TRIOBP: variants seen among roughly 807,000 people sequenced by gnomAD.
The protein encoded by TRIOBP is TRIO and F-actin-binding protein.
Under a neutral mutation model 238.8 loss-of-function variants are expected in TRIOBP, and 169 were observed. The observed-to-expected ratio is 0.71, with a 90% CI of 0.62 to 0.80. The LOEUF (loss-of-function observed/expected upper bound fraction) is 0.80, where lower values mean the gene tolerates loss of function less well. Among genes scored for constraint, TRIOBP ranks in the 30% least tolerant of loss-of-function variants. The probability of loss-of-function intolerance (pLI) is 0.00; values close to 1 mark genes in which losing one functional copy is unlikely to be tolerated. For synonymous variants in TRIOBP, 1,150 were observed against 1,274.4 expected (o/e 0.90, Z 2.08); for missense variants, 2,838 against 3,122.6 (o/e 0.91, Z 2.17).
intron 17 of TRIOBP, among the ~76,000 whole-genome samples, chr22:37,763,840 G>A (rs536141326): frequency 2.0e-5 from 3 of 152,316 alleles, no homozygotes; most frequent in South Asian, 2.1e-4. Context: ...AGTCTAACGC[G>A]AGTCTTGCCG....
At chr22:37,762,971 T>C (rs1926316736) in intron 17 of TRIOBP, among the ~76,000 whole-genome samples, 1 of 152,096 alleles carries the variant, frequency 6.6e-6, no homozygotes, top group Non-Finnish European at 1.5e-5. Context: ...TTATCTACTT[T>C]GATGTCCATG....
At chr22:37,697,965 C>T (rs5756780) in intron 2 of TRIOBP, among the ~76,000 whole-genome samples, 59,939 of 151,334 alleles carry the variant, frequency 0.4, 12,807 homozygotes, top group East Asian at 0.66. Context: ...TTTGGGAGGT[C>T]GAGGTGGGTG....
chr22:37,723,520 G>T lies in TRIOBP; in HGVS notation c.964G>T (p.Ala322Ser), dbSNP rs201693690. The change falls in exon 7 of 24, where the codon GCC (alanine) becomes TCC (serine). Residue 322 changes from alanine (A) to serine (S), a missense_variant. Around this residue, in one of 5 missense-constraint regions of TRIOBP, gnomAD observed 535 missense variants for 537.3 expected, o/e 1.00. Coordinates refer to ENST00000644935, the MANE Select transcript of TRIOBP (RefSeq NM_001039141.3). The part of the protein sequence containing the change: ...ASSTQEDTPR[A>S]SSTQEDTPRA... ...ATCCACCCAAGAGGACACCCCTAGGGCCTCATCCACCCAAGAGGACACCCC... is the reference window on the plus strand; with the variant it reads ...ATCCACCCAAGAGGACACCCCTAGGTCCTCATCCACCCAAGAGGACACCCC... 1.3e-4 allele frequency: 217 copies of T among 1,613,682 alleles called. No individual in the cohort carries two copies. In the East Asian group the frequency reaches 4.1e-3, roughly 30 times the overall value.
intron 17 of TRIOBP, among the ~76,000 whole-genome samples, chr22:37,760,949 C>T (rs532929680): frequency 2.1e-5 from 3 of 146,062 alleles, no homozygotes; most frequent in East Asian, 2.0e-4. Flanking sequence ...TCCAGCCTGG[C>T]GACAGAGTAA....
At position 37,764,357 on chromosome 22, in the gene TRIOBP, A is replaced by G. The variant is rs529665807; in HGVS notation, c.6325-1313A>G. On this transcript the variant is annotated intron_variant, in intron 17 of 23. Transcript: ENST00000644935. ...CACGTTTGTTCCCGTGAGTGAGATCATACCACGTGTATGTCAGAAGCCAAC... is the reference window on the plus strand; with the variant it reads ...CACGTTTGTTCCCGTGAGTGAGATCGTACCACGTGTATGTCAGAAGCCAAC... 2.6e-5 allele frequency among the ~76,000 whole-genome samples: 4 copies of G among 152,302 alleles called. No homozygotes were observed. In the South Asian group the frequency reaches 8.3e-4, roughly 32 times the overall value.
chr22:37,734,573 C>G lies in TRIOBP; in HGVS notation c.4237C>G (p.Leu1413Val). ...PERELRTQRP[L>V]ESGQAGPRQP... is the part of the protein sequence containing the mutation. Reference sequence around the variant, plus strand: ...GAGGGAGCTGCGGACACAGAGACCTCTGGAGAGTGGCCAAGCAGGCCCAAG... The same window carrying G: ...GAGGGAGCTGCGGACACAGAGACCTGTGGAGAGTGGCCAAGCAGGCCCAAG... Residue 1413 changes from leucine to valine, a missense_variant, in exon 9 of 24, where the codon CTG becomes GTG. Physicochemically the swap from Leu to Val is conservative, Grantham distance 32. Transcript: ENST00000644935. 1 of 1,584,710 alleles carries G rather than the reference C, an allele frequency of 6.3e-7. No homozygotes were observed. Among genetic ancestry groups the G allele is most frequent in the Non-Finnish European group, 8.6e-7 (1 of 1,165,716 alleles).
rs369404083 is a variant in TRIOBP at position 37,725,806 on chromosome 22, C to T, written c.3250C>T (p.Pro1084Ser). The T allele has an allele frequency of 1.2e-4, 192 of 1,610,512 alleles. No individual in the cohort carries two copies. Among genetic ancestry groups the T allele is most frequent in the Admixed American group, 4.2e-4 (25 of 59,792 alleles). The change falls in exon 7 of 24, where the codon CCC (proline) becomes TCC (serine). Residue 1084 changes from proline to serine, a missense_variant. Physicochemically the swap from Pro to Ser is moderately conservative, Grantham distance 74. Around this residue, in one of 5 missense-constraint regions of TRIOBP, gnomAD observed 2,096 missense variants for 2,137.4 expected, o/e 0.98. Coordinates refer to ENST00000644935, the MANE Select transcript of TRIOBP (RefSeq NM_001039141.3). ...GCCCCCCCGCCACACCCAATTTGAC[C>T]CCTTCCCCTTCCTCCCAGACACATC... Reference protein sequence around the residue: ...SSPPRHTQFDPFPFLPDTSDA... With the variant: ...SSPPRHTQFDSFPFLPDTSDA...
At chr22:37,757,494 C>G in intron 15 of TRIOBP, 119 bp from the exon 16 acceptor site, 1 of 1,401,888 alleles carries the variant, frequency 7.1e-7, no homozygotes, top group South Asian at 1.2e-5. Context: ...TGCTTCCTTC[C>G]CTGGGGTCTG....
intron 4 of TRIOBP, among the ~76,000 whole-genome samples, chr22:37,712,029 T>C (rs1299564873): frequency 1.3e-5 from 2 of 152,092 alleles, no homozygotes; most frequent in African/African-American, 4.8e-5. Context: ...TTAGACTTAC[T>C]GAACTTGGGG....
chr22:37,734,593 C>A lies in TRIOBP; in HGVS notation c.4257C>A (p.Gly1419=). Reference sequence around the variant, plus strand: ...GACCTCTGGAGAGTGGCCAAGCAGGCCCAAGACAGCCTCTGGGGGTGTGGC... The same window carrying A: ...GACCTCTGGAGAGTGGCCAAGCAGGACCAAGACAGCCTCTGGGGGTGTGGC... ...TQRPLESGQA[G]PRQPLGVWQS... Residue 1419 remains glycine, a synonymous_variant, in exon 9 of 24, where the codon GGC becomes GGA. Transcript: ENST00000644935. 1 of 1,580,168 alleles carries A rather than the reference C, an allele frequency of 6.3e-7. No individual in the cohort carries two copies. Among genetic ancestry groups the A allele is most frequent in the Non-Finnish European group, 8.6e-7 (1 of 1,163,356 alleles).
intron 14 of TRIOBP, 98 bp from the exon 15 acceptor site, chr22:37,755,452 C>A: frequency 8.9e-7 from 1 of 1,129,668 alleles, no homozygotes; most frequent in Non-Finnish European, 1.3e-6. Context: ...ACCTTAGATG[C>A]ATCCTGGGAA....
Position 37,765,829 on chromosome 22 carries a change from G to GA in TRIOBP, c.6472+12_6472+13insA, listed in dbSNP as rs1555901289. The GA allele has an allele frequency of 2.4e-5, 35 of 1,439,880 alleles. No individual in the cohort carries two copies. Among genetic ancestry groups the GA allele is most frequent in the South Asian group, 8.3e-5 (7 of 84,034 alleles). The allele number at this position is 1,439,880 out of a possible 1,614,324, so 89.2% of individuals were successfully genotyped here. A position where few individuals can be genotyped will look rare whatever the true frequency, so the allele number is the denominator to read the frequency against. On this transcript the variant is annotated intron_variant, in intron 18 of 23. Coordinates refer to ENST00000644935, the MANE Select transcript of TRIOBP (RefSeq NM_001039141.3). ...AGCCACGGCCTCAGGTATGGACCCT[G>GA]GGGGGGGCACAGTGGGCTGGGCTCT...
chr22:37,764,775 T>C (rs1926401800), intron 17 of TRIOBP, among the ~76,000 whole-genome samples: 1 of 152,202 alleles, frequency 6.6e-6, no homozygotes. Flanking sequence ...CATCATCAGT[T>C]TCAGCTCATT....
At chr22:37,709,034 C>T (rs545641526) in intron 3 of TRIOBP, among the ~76,000 whole-genome samples, 30 of 152,210 alleles carry the variant, frequency 2.0e-4, no homozygotes, top group African/African-American at 4.6e-4. Flanking sequence ...GTGGCCAAGG[C>T]GCCAGGCCCG....
At chr22:37,747,136 G>A (rs767160535) in intron 11 of TRIOBP, among the ~76,000 whole-genome samples, 6 of 151,860 alleles carry the variant, frequency 4.0e-5, no homozygotes, top group Non-Finnish European at 5.9e-5. Flanking sequence ...GCCATAGTTA[G>A]CATATTGAGC....
At chr22:37,746,563 C>T (rs930340579) in intron 11 of TRIOBP, 79 of 711,836 alleles carry the variant, frequency 1.1e-4, no homozygotes, top group Admixed American at 5.5e-4. Context: ...ACGGGGCCAC[C>T]TCCGAAGCGC....
At position 37,725,539 on chromosome 22, in the gene TRIOBP, G is replaced by A; in HGVS notation, c.2983G>A (p.Val995Met). 1 of 1,613,444 alleles carries A rather than the reference G, an allele frequency of 6.2e-7. No individual in the cohort carries two copies. Among genetic ancestry groups the A allele is most frequent in the South Asian group, 1.1e-5 (1 of 91,062 alleles). ...HQSTSRTSSP[V>M]YPAAYGAPLT... The stretch of plus-strand genomic sequence containing the variant: ...GAGCACCTCCCGAACTTCCTCACCT[G>A]TGTACCCCGCTGCCTATGGGGCTCC... The change falls in exon 7 of 24, where the codon GTG becomes ATG. Residue 995 changes from valine to methionine, a missense_variant. Val to Met is a conservative substitution (Grantham distance 21, BLOSUM62 1). Transcript: ENST00000644935.
chr22:37,764,065 C>T (rs1335514087), intron 17 of TRIOBP, among the ~76,000 whole-genome samples: 2 of 152,216 alleles, frequency 1.3e-5, no homozygotes, highest in Non-Finnish European at 2.9e-5. Flanking sequence ...TCGCTTCTGC[C>T]CCCTTCGTCC....
chr22:37,746,227 A>T, intron 11 of TRIOBP: 1 of 1,096,286 alleles, frequency 9.1e-7, no homozygotes, highest in Non-Finnish European at 1.1e-6. Context: ...AAAAAAAAAA[A>T]AAAAAGTTTT....
Sources: allele counts gnomAD v4.1 joint callset (sites outside exome capture counted in the v4.1 genomes callset), GRCh38; gene constraint gnomAD v4.1.1; regional missense constraint gnomAD v4.1.1; transcripts MANE v1.5; gene names NCBI Gene and HGNC (gene_info 2026-07-23, HGNC 2026-07-21).